GYPE: variants seen among roughly 807,000 people sequenced by gnomAD.
GYPE encodes the protein glycophorin-E.
Under a neutral mutation model 11.6 loss-of-function variants are expected in GYPE, and 8 were observed. The ratio of observed to expected loss-of-function variants is 0.69; its 90% CI spans 0.41 to 1.25. The LOEUF (loss-of-function observed/expected upper bound fraction) is 1.25. Ranked by LOEUF, GYPE falls within the 50% of genes most tolerant of loss-of-function variation. GYPE has a pLI of 0.01. For synonymous variants in GYPE, 28 were observed against 29.6 expected (o/e 0.94, Z 0.18); for missense variants, 90 against 92.8 (o/e 0.97, Z 0.12).
At chr4:143,882,497 A>G (rs903461340) in intron 1 of GYPE, among the ~76,000 whole-genome samples, 1 of 152,216 alleles carries the variant, frequency 6.6e-6, no homozygotes, top group African/African-American at 2.4e-5. Context: ...AACCTGAGTA[A>G]AATAGGTTTA....
chr4:143,897,817 C>G (rs972585694), intron 1 of GYPE, among the ~76,000 whole-genome samples: 2 of 151,920 alleles, frequency 1.3e-5, no homozygotes, highest in Admixed American at 6.6e-5. Flanking sequence ...TGCTGAACCA[C>G]TAAAATGGGA....
chr4:143,897,215 G>C (rs1260979900), intron 1 of GYPE, among the ~76,000 whole-genome samples: 1 of 152,064 alleles, frequency 6.6e-6, no homozygotes, highest in African/African-American at 2.4e-5. Context: ...TGTAACCCCA[G>C]TGCTTTGGGA....
In GYPE at chr4:143,905,552, C is replaced by T. The variant is rs747344893; in HGVS notation, c.-45G>A. 6 of 1,612,354 alleles carry T rather than the reference C, an allele frequency of 3.7e-6. No homozygotes were observed. In the African/African-American group the frequency reaches 8.0e-5, roughly 22 times the overall value. Reference sequence around the variant, plus strand: ...TCCTGAAGTTAGTGCAAAAAAACTACCAAAGACAACTGCAAGTGTCAGTGT... The same window carrying T: ...TCCTGAAGTTAGTGCAAAAAAACTATCAAAGACAACTGCAAGTGTCAGTGT... On this transcript the variant is annotated 5_prime_UTR_variant, in exon 1 of 4. Coordinates refer to ENST00000358615, the MANE Select transcript of GYPE (RefSeq NM_198682.3).
At chr4:143,881,420 A>G (rs1410081042) in intron 1 of GYPE, among the ~76,000 whole-genome samples, 1 of 152,128 alleles carries the variant, frequency 6.6e-6, no homozygotes, top group Non-Finnish European at 1.5e-5. Context: ...GAACTACAAG[A>G]AAGCACAAAG....
intron 1 of GYPE, among the ~76,000 whole-genome samples, chr4:143,888,150 C>G (rs1051751631): frequency 6.3e-5 from 6 of 95,440 alleles, no homozygotes; most frequent in African/African-American, 2.3e-4. Flanking sequence ...CTGGAAATAG[C>G]CAGCCTCCTA....
At chr4:143,896,565 T>C (rs1560949934) in intron 1 of GYPE, among the ~76,000 whole-genome samples, 2 of 152,148 alleles carry the variant, frequency 1.3e-5, no homozygotes, top group Non-Finnish European at 2.9e-5. Context: ...GGTGGGACTG[T>C]AAACTAGTTC....
chr4:143,897,382 TCACTTG>T (rs764914666), intron 1 of GYPE, among the ~76,000 whole-genome samples: 25 of 152,072 alleles, frequency 1.6e-4, no homozygotes, highest in Admixed American at 3.3e-4. Flanking sequence ...AGCTGGAGAA[TCACTTG>T]AATCCAGCAG....
chr4:143,878,089 A>T (rs1743879418), intron 2 of GYPE, among the ~76,000 whole-genome samples: 1 of 147,446 alleles, frequency 6.8e-6, no homozygotes. Context: ...ACTATTACCA[A>T]ATTATGTATT....
At chr4:143,877,238 AT>A (rs1422393637) in intron 2 of GYPE, among the ~76,000 whole-genome samples, 1 of 152,206 alleles carries the variant, frequency 6.6e-6, no homozygotes, top group Non-Finnish European at 1.5e-5. Flanking sequence ...AGAGAAAACA[AT>A]GTCTTAACAT....
intron 2 of GYPE, 61 bp from the exon 3 acceptor site, chr4:143,876,916 T>C (rs1328114553): frequency 6.6e-6 from 6 of 904,722 alleles, no homozygotes; most frequent in Middle Eastern, 2.1e-4. Flanking sequence ...CCACATCCAA[T>C]TGAAAAATAA....
At chr4:143,902,869 G>T (rs1228406387) in intron 1 of GYPE, among the ~76,000 whole-genome samples, 1 of 152,014 alleles carries the variant, frequency 6.6e-6, no homozygotes, top group African/African-American at 2.4e-5. Flanking sequence ...GGAGACTCCT[G>T]GTTTATGCCA....
At chr4:143,885,294 T>A (rs2323421) in intron 1 of GYPE, among the ~76,000 whole-genome samples, 2,227 of 152,262 alleles carry the variant, frequency 0.015, 23 homozygotes, top group Middle Eastern at 0.024. Flanking sequence ...TTTTAAATTT[T>A]TAAGCAAAGT....
rs1479773634 is a variant in GYPE at position 143,871,454 on chromosome 4, A to G, written c.*808T>C. On this transcript the variant is annotated 3_prime_UTR_variant, in exon 4 of 4. Transcript: ENST00000358615. ...AAAGAGAATTACTGAGTTTGTGTTC[A>G]CTGCTGGGGCCAGATCTCTTTGCAG... The G allele has an allele frequency of 6.6e-6, 1 of 152,180 alleles. No individual in the cohort carries two copies. The highest frequency in any genetic ancestry group is 1.9e-4 in the East Asian group (1 of 5,168). 9.4% of individuals were successfully genotyped at this position (152,180 alleles called of 1,614,324 possible).
intron 1 of GYPE, among the ~76,000 whole-genome samples, chr4:143,896,984 A>C (rs947361319): frequency 1.3e-5 from 2 of 151,598 alleles, no homozygotes; most frequent in Non-Finnish European, 2.9e-5. Context: ...AGGAAGGGGA[A>C]CATCACACTC....
Position 143,874,665 on chromosome 4 carries a change from T to C in GYPE, c.*9+2081A>G, listed in dbSNP as rs367559488. Among the ~76,000 whole-genome samples the C allele has an allele frequency of 4.9e-4, 74 of 152,302 alleles. 3 individuals are homozygous for C. The highest frequency in any genetic ancestry group is 1.8e-3 in the African/African-American group (73 of 41,562). On this transcript the variant is annotated intron_variant, in intron 3 of 3. Transcript: ENST00000358615. ...AAGGATAAGGCAGTCAGAATGTATC[T>C]GGTGTGTACTCGAAGAGGAAACGTG...
chr4:143,882,348 A>G (rs1222248512), intron 1 of GYPE, among the ~76,000 whole-genome samples: 2 of 152,062 alleles, frequency 1.3e-5, no homozygotes, highest in Non-Finnish European at 2.9e-5. Flanking sequence ...TGAGTCAATT[A>G]AAGTATGTAA....
At chr4:143,883,748 C>G (rs939323708) in intron 1 of GYPE, among the ~76,000 whole-genome samples, 5 of 150,384 alleles carry the variant, frequency 3.3e-5, no homozygotes, top group African/African-American at 1.2e-4. Flanking sequence ...ATGCAAGCAT[C>G]TGGAAAAATA....
At chr4:143,894,942 C>G (rs191641737) in intron 1 of GYPE, among the ~76,000 whole-genome samples, 4 of 152,206 alleles carry the variant, frequency 2.6e-5, no homozygotes, top group African/African-American at 7.2e-5. Context: ...AGGCCTTTGA[C>G]AAAATTCAAC....
intron 3 of GYPE, among the ~76,000 whole-genome samples, chr4:143,874,698 T>C (rs891442462): frequency 1.3e-5 from 2 of 152,186 alleles, no homozygotes; most frequent in African/African-American, 4.8e-5. Context: ...GTGCTGCACA[T>C]TGGGACCCCA....
Sources: allele counts gnomAD v4.1 joint callset (sites outside exome capture counted in the v4.1 genomes callset), GRCh38; gene constraint gnomAD v4.1.1; transcripts MANE v1.5; gene names NCBI Gene and HGNC (gene_info 2026-07-23, HGNC 2026-07-21).